KCNIP4: variants seen among roughly 807,000 people sequenced by gnomAD.
The protein encoded by KCNIP4 is Kv channel-interacting protein 4.
In KCNIP4, 12 loss-of-function variants were observed where a neutral mutation model predicts 34.0. The ratio of observed to expected loss-of-function variants is 0.35; its 90% CI spans 0.23 to 0.57. The LOEUF is 0.57. KCNIP4 is among the 20% of genes least tolerant of loss of function. The probability of loss-of-function intolerance (pLI) is 0.83; values close to 1 mark genes in which losing one functional copy is unlikely to be tolerated. For missense variants in KCNIP4, 238 were observed against 311.7 expected (o/e 0.76, Z 1.78); for synonymous variants, 124 against 102.2 (o/e 1.21, Z -1.29).
At chr4:21,149,921 T>C (rs1408640846) in intron 1 of KCNIP4, among the ~76,000 whole-genome samples, 1 of 152,206 alleles carries the variant, frequency 6.6e-6, no homozygotes, top group Non-Finnish European at 1.5e-5. Flanking sequence ...GTGTTGGAAA[T>C]GTCCTTTTAT....
At chr4:21,937,966 T>C (rs1177956043) in intron 1 of KCNIP4, among the ~76,000 whole-genome samples, 1 of 152,174 alleles carries the variant, frequency 6.6e-6, no homozygotes, top group Non-Finnish European at 1.5e-5. Flanking sequence ...GTTTTCATAC[T>C]GCATCACATC....
chr4:21,817,522 G>A (rs898307652), intron 1 of KCNIP4, among the ~76,000 whole-genome samples: 9 of 152,160 alleles, frequency 5.9e-5, no homozygotes, highest in South Asian at 2.1e-4. Context: ...CGGGCAAAAA[G>A]AGCCATATTT....
intron 1 of KCNIP4, among the ~76,000 whole-genome samples, chr4:21,939,523 A>T (rs1730074698): frequency 6.6e-6 from 1 of 152,098 alleles, no homozygotes; most frequent in South Asian, 2.1e-4. Flanking sequence ...CATGTTTCTC[A>T]ATGCCTGGTT....
intron 1 of KCNIP4, among the ~76,000 whole-genome samples, chr4:21,213,822 C>T (rs1757389231): frequency 6.6e-6 from 1 of 152,182 alleles, no homozygotes; most frequent in South Asian, 2.1e-4. Context: ...TCACAACCTG[C>T]CTTTCATTCT....
At chr4:20,878,727 A>T (rs1461651500) in intron 2 of KCNIP4, among the ~76,000 whole-genome samples, 1 of 152,192 alleles carries the variant, frequency 6.6e-6, no homozygotes, top group Non-Finnish European at 1.5e-5. Context: ...TTACAGTAAT[A>T]AACAGGCATT....
chr4:21,354,625 C>G (rs1034031316), intron 1 of KCNIP4, among the ~76,000 whole-genome samples: 1 of 152,162 alleles, frequency 6.6e-6, no homozygotes, highest in African/African-American at 2.4e-5. Context: ...GCACCCAATA[C>G]AGGAGCACCA....
intron 3 of KCNIP4, among the ~76,000 whole-genome samples, chr4:20,843,291 C>T (rs930185388): frequency 2.0e-5 from 3 of 152,074 alleles, no homozygotes; most frequent in Admixed American, 6.6e-5. Context: ...ATAAAATATA[C>T]CTATGAGAAT....
chr4:20,902,406 G>A (rs77757854), intron 1 of KCNIP4, among the ~76,000 whole-genome samples: 3,742 of 152,150 alleles, frequency 0.025, 71 homozygotes, highest in Non-Finnish European at 0.041. Context: ...AAGGAGCCAC[G>A]GCATACCCAG....
chr4:21,025,550 T>TTTG (rs755377779), intron 1 of KCNIP4, among the ~76,000 whole-genome samples: 4,275 of 68,134 alleles, frequency 0.063, 669 homozygotes, highest in Non-Finnish European at 0.08. Context: ...ACTGTTTTTT[T>TTTG]TTTTTTTTTT....
chr4:20,961,925 C>T (rs1733889120), intron 1 of KCNIP4, among the ~76,000 whole-genome samples: 1 of 152,188 alleles, frequency 6.6e-6, no homozygotes, highest in South Asian at 2.1e-4. Context: ...ACACTTTTTA[C>T]TGGAGATTAT....
chr4:21,525,282 CA>C (rs1735877257), intron 1 of KCNIP4, among the ~76,000 whole-genome samples: 1 of 152,050 alleles, frequency 6.6e-6, no homozygotes, highest in Non-Finnish European at 1.5e-5. Context: ...TTCTAGGAGG[CA>C]ATAGTCCTAA....
chr4:20,981,671 T>G (rs1427878012), intron 1 of KCNIP4, among the ~76,000 whole-genome samples: 2 of 152,188 alleles, frequency 1.3e-5, no homozygotes, highest in Non-Finnish European at 2.9e-5. Flanking sequence ...TTTCCTAACA[T>G]GTATTTCAGA....
At chr4:21,102,092 C>T (rs1365908318) in intron 1 of KCNIP4, among the ~76,000 whole-genome samples, 1 of 152,158 alleles carries the variant, frequency 6.6e-6, no homozygotes, top group Non-Finnish European at 1.5e-5. Flanking sequence ...AATTAGGAAG[C>T]ATCTCCAGAA....
intron 1 of KCNIP4, among the ~76,000 whole-genome samples, chr4:21,186,474 C>T (rs555031497): frequency 6.6e-6 from 1 of 152,178 alleles, no homozygotes; most frequent in South Asian, 2.1e-4. Flanking sequence ...AAGAAATTCT[C>T]CTGAAGAGTA....
intron 1 of KCNIP4, among the ~76,000 whole-genome samples, chr4:21,424,124 T>C (rs985561134): frequency 6.6e-6 from 1 of 150,946 alleles, no homozygotes; most frequent in Admixed American, 6.6e-5. Flanking sequence ...AGGCCGAGAA[T>C]TTTTAAAAAT....
chr4:21,714,382 A>C (rs576203911), intron 1 of KCNIP4, among the ~76,000 whole-genome samples: 1 of 152,078 alleles, frequency 6.6e-6, no homozygotes, highest in Non-Finnish European at 1.5e-5. Context: ...CAGTCTTTCT[A>C]CAGCATCGGC....
chr4:20,836,043 C>T lies in KCNIP4; in HGVS notation c.288+14500G>A, dbSNP rs74631045. ...TCTTTACCCATTCTTTATTTTTCCT[C>T]CATGACCAAATCCATTATTTGCCAA... On this transcript the variant is annotated intron_variant, in intron 3 of 8. Transcript: ENST00000382152. Among the ~76,000 whole-genome samples the T allele has an allele frequency of 4.6e-5, 7 of 152,310 alleles. No individual in the cohort carries two copies. The East Asian group carries it at 1.4e-3, about 29-fold the overall frequency.
At chr4:21,006,706 A>G (rs1738585394) in intron 1 of KCNIP4, among the ~76,000 whole-genome samples, 4 of 152,130 alleles carry the variant, frequency 2.6e-5, no homozygotes, top group Admixed American at 6.5e-5. Flanking sequence ...AAGAAATAGG[A>G]TTTTGCCCAG....
At chr4:21,571,080 C>G (rs1409387852) in intron 1 of KCNIP4, among the ~76,000 whole-genome samples, 1 of 152,162 alleles carries the variant, frequency 6.6e-6, no homozygotes, top group Non-Finnish European at 1.5e-5. Flanking sequence ...GAGGTCACCT[C>G]AAGACTCAAG....
Sources: gnomAD v4.1 joint callset for allele counts (sites outside exome capture counted in the v4.1 genomes callset) on GRCh38, gnomAD v4.1.1 for gene constraint, MANE v1.5 for transcripts, NCBI Gene and HGNC (gene_info 2026-07-23, HGNC 2026-07-21) for gene names.